Variants in SDK1 observed in about 807,000 individuals in gnomAD.
The protein encoded by SDK1 is protein sidekick-1.
In SDK1, 157 loss-of-function variants were observed where a neutral mutation model predicts 245.5. The ratio of observed to expected loss-of-function variants is 0.64; its 90% CI spans 0.56 to 0.73. The LOEUF (loss-of-function observed/expected upper bound fraction) is 0.73. Ranked by LOEUF, SDK1 falls within the 30% of genes least tolerant of loss-of-function variation. SDK1 has a pLI of 0.00. For missense variants in SDK1, 3,583 were observed against 3,002.3 expected (o/e 1.19, Z -4.52); for synonymous variants, 1,647 against 1,278.5 (o/e 1.29, Z -6.15).
At chr7:3,721,678 A>C (rs559480723) in intron 4 of SDK1, among the ~76,000 whole-genome samples, 2 of 152,274 alleles carry the variant, frequency 1.3e-5, no homozygotes, top group African/African-American at 4.8e-5. Flanking sequence ...CAGAGAGTGC[A>C]TTGTGTGCTC....
chr7:3,914,579 G>A (rs1371170839), intron 5 of SDK1, among the ~76,000 whole-genome samples: 1 of 152,188 alleles, frequency 6.6e-6, no homozygotes. Flanking sequence ...CTGAAACCAT[G>A]AAGCTAGGGA....
In SDK1 at chr7:3,336,417, A is replaced by C. The variant is rs1197853546; in HGVS notation, c.298+34533A>C. ...CTGACTTCTCTGCCAGGGTAGTGTC[A>C]GCAAGGCCCAGGTTAGGGCCATATC... On this transcript the variant is annotated intron_variant, in intron 1 of 44. Transcript: ENST00000404826. Among the ~76,000 whole-genome samples, 7 of 152,154 alleles carry C rather than the reference A, an allele frequency of 4.6e-5. No individual in the cohort carries two copies. In the South Asian group the frequency reaches 1.2e-3, roughly 27 times the overall value.
At chr7:4,049,842 A>G (rs1789308324) in intron 18 of SDK1, among the ~76,000 whole-genome samples, 1 of 152,200 alleles carries the variant, frequency 6.6e-6, no homozygotes, top group African/African-American at 2.4e-5. Context: ...TGTGAGTGAT[A>G]TTTCCATGGA....
chr7:3,738,654 C>G (rs1040187718), intron 4 of SDK1, among the ~76,000 whole-genome samples: 2 of 152,102 alleles, frequency 1.3e-5, no homozygotes, highest in African/African-American at 4.8e-5. Flanking sequence ...AATAAGTCAT[C>G]TGATTTGTGA....
At chr7:3,539,466 T>G in intron 1 of SDK1, among the ~76,000 whole-genome samples, 1 of 152,134 alleles carries the variant, frequency 6.6e-6, no homozygotes, top group South Asian at 2.1e-4. Context: ...AGAAGAGGGT[T>G]TCTTGAGGAA....
intron 5 of SDK1, among the ~76,000 whole-genome samples, chr7:3,949,705 A>G (rs1256374717): frequency 6.6e-6 from 1 of 152,128 alleles, no homozygotes; most frequent in African/African-American, 2.4e-5. Flanking sequence ...TTTAATTTTG[A>G]TGTTAAATGT....
chr7:3,965,815 A>G (rs1782042332), intron 9 of SDK1, among the ~76,000 whole-genome samples: 1 of 151,794 alleles, frequency 6.6e-6, no homozygotes, highest in African/African-American at 2.4e-5. Context: ...CTTCTCTAGG[A>G]GAGATTTAGA....
At chr7:3,378,361 C>T (rs1781403678) in intron 1 of SDK1, among the ~76,000 whole-genome samples, 1 of 152,088 alleles carries the variant, frequency 6.6e-6, no homozygotes, top group Non-Finnish European at 1.5e-5. Context: ...TTCATAAGAC[C>T]TTGGGTGGGA....
chr7:3,674,367 A>G (rs1783821689), intron 4 of SDK1, among the ~76,000 whole-genome samples: 1 of 152,066 alleles, frequency 6.6e-6, no homozygotes. Context: ...GGTGGGAGAG[A>G]CCTAGAGAGG....
intron 1 of SDK1, among the ~76,000 whole-genome samples, chr7:3,524,542 G>A (rs1351849501): frequency 6.6e-6 from 1 of 152,168 alleles, no homozygotes; most frequent in Non-Finnish European, 1.5e-5. Flanking sequence ...GTGTGTGTAT[G>A]TGCGCGCTCA....
rs201346122 is a variant in SDK1, at chr7:4,040,158, AG to A, written c.2603-9187del. Among the ~76,000 whole-genome samples the A allele has an allele frequency of 4.1e-4, 62 of 152,326 alleles. 1 individual carries two copies. In the East Asian group the frequency reaches 0.012, roughly 29 times the overall value. The stretch of plus-strand genomic sequence containing the variant: ...GGGCTGTACCGGGCTTTATAAGCAT[AG>A]GGTAATGAGGCGTGTTCTGATTGGA... On this transcript the variant is annotated intron_variant, in intron 17 of 44. Coordinates refer to ENST00000404826, the MANE Select transcript of SDK1 (RefSeq NM_152744.4).
chr7:3,496,532 A>C (rs577702119), intron 1 of SDK1, among the ~76,000 whole-genome samples: 2 of 152,166 alleles, frequency 1.3e-5, no homozygotes, highest in East Asian at 3.9e-4. Context: ...TATAAAATAC[A>C]GGGAAAATCA....
intron 1 of SDK1, among the ~76,000 whole-genome samples, chr7:3,606,872 C>T (rs183864797): frequency 2.6e-5 from 4 of 151,398 alleles, no homozygotes; most frequent in South Asian, 2.1e-4. Context: ...AATCATAAAC[C>T]AAAATAACAC....
At chr7:3,759,449 T>C (rs1264300341) in intron 4 of SDK1, among the ~76,000 whole-genome samples, 1 of 152,202 alleles carries the variant, frequency 6.6e-6, no homozygotes, top group East Asian at 1.9e-4. Context: ...TTTAAAGTAT[T>C]AGTTAATGAT....
At chr7:3,892,778 C>G (rs944134142) in intron 5 of SDK1, among the ~76,000 whole-genome samples, 1 of 152,310 alleles carries the variant, frequency 6.6e-6, no homozygotes, top group Non-Finnish European at 1.5e-5. Flanking sequence ...TCAGTGCAGC[C>G]GAAAGAACCT....
chr7:3,497,194 G>A (rs1583952185), intron 1 of SDK1, among the ~76,000 whole-genome samples: 1 of 152,150 alleles, frequency 6.6e-6, no homozygotes, highest in Admixed American at 6.6e-5. Flanking sequence ...CAACAAGGCT[G>A]TTACCACTCA....
chr7:3,835,584 C>T (rs1780012813), intron 5 of SDK1, among the ~76,000 whole-genome samples: 1 of 152,186 alleles, frequency 6.6e-6, no homozygotes, highest in African/African-American at 2.4e-5. Context: ...TCAGCTCTTA[C>T]CTATCCTATC....
At chr7:3,651,406 G>A (rs1783010606) in intron 4 of SDK1, among the ~76,000 whole-genome samples, 1 of 152,216 alleles carries the variant, frequency 6.6e-6, no homozygotes, top group African/African-American at 2.4e-5. Context: ...CTTGTTGTGA[G>A]AAATGTGTTC....
chr7:3,929,129 G>A (rs1325904274), intron 5 of SDK1, among the ~76,000 whole-genome samples: 1 of 152,206 alleles, frequency 6.6e-6, no homozygotes, highest in African/African-American at 2.4e-5. Flanking sequence ...ACTATGGGTG[G>A]GAAACCAATG....
Sources: allele counts gnomAD v4.1 joint callset (sites outside exome capture counted in the v4.1 genomes callset), GRCh38; gene constraint gnomAD v4.1.1; transcripts MANE v1.5; gene names NCBI Gene and HGNC (gene_info 2026-07-23, HGNC 2026-07-21).